The following VAV2 variants were observed in gnomAD, a reference collection of about 807,000 sequenced individuals.
VAV2 encodes guanine nucleotide exchange factor VAV2.
VAV2 carries 67 observed loss-of-function variants against 132.5 expected under a neutral mutation model. The ratio of observed to expected loss-of-function variants is 0.51; its 90% CI spans 0.42 to 0.62. The LOEUF is 0.62. Ranked by LOEUF, VAV2 falls within the 20% of genes least tolerant of loss-of-function variation. The pLI, the probability that VAV2 is intolerant of heterozygous loss-of-function variation, is 0.00. For synonymous variants in VAV2, 492 were observed against 443.5 expected, an observed-to-expected ratio of 1.11 and a Z score of -1.37; for missense variants, 938 against 1,153.6, an observed-to-expected ratio of 0.81 and a Z score of 2.71.
At chr9:133,904,833 G>A (rs2132023948) in intron 2 of VAV2, among the ~76,000 whole-genome samples, 1 of 152,374 alleles carries the variant, frequency 6.6e-6, no homozygotes, top group South Asian at 2.1e-4. Flanking sequence ...CCCTCTCTGG[G>A]CCTCTAGGCA....
rs915161096 is a variant in VAV2 at position 133,919,911 on chromosome 9, C to T, written c.321+19192G>A. ...GTCAGTTCTGCTGGACATACAGCGG[C>T]GGACCCAAGGCTGCTTTCCACGTTG... On this transcript the variant is annotated intron_variant, in intron 2 of 29. Coordinates refer to ENST00000371850, the MANE Select transcript of VAV2 (RefSeq NM_001134398.2). This position sits in a 1 kb window ranked among gnomAD's most constrained non-coding sequence, Gnocchi z 5.8. 6.6e-6 allele frequency among the ~76,000 whole-genome samples: 1 copy of T among 152,286 alleles called. No individual in the cohort carries two copies. The highest frequency in any genetic ancestry group is 1.5e-5 in the Non-Finnish European group (1 of 68,028).
intron 2 of VAV2, among the ~76,000 whole-genome samples, chr9:133,922,059 G>T (rs1315578809): frequency 6.6e-6 from 1 of 152,236 alleles, no homozygotes; most frequent in Non-Finnish European, 1.5e-5. Context: ...GATGGGCCCC[G>T]CCTGCTGGAC....
intron 2 of VAV2, among the ~76,000 whole-genome samples, chr9:133,925,128 G>T (rs1057406378): frequency 6.6e-6 from 1 of 152,184 alleles, no homozygotes; most frequent in Non-Finnish European, 1.5e-5. Context: ...AAGACAGAGG[G>T]GATGGTTGTA....
At chr9:133,906,145 C>A (rs543607526) in intron 2 of VAV2, among the ~76,000 whole-genome samples, 12 of 152,196 alleles carry the variant, frequency 7.9e-5, no homozygotes, top group Non-Finnish European at 1.8e-4. Context: ...TGGCGTGGAT[C>A]CCAAAAGCTA....
At chr9:133,953,056 G>A (rs1443049260) in intron 1 of VAV2, among the ~76,000 whole-genome samples, 2 of 152,018 alleles carry the variant, frequency 1.3e-5, no homozygotes, top group African/African-American at 4.8e-5. Context: ...CTAGAACCTG[G>A]AGGGAGCACG....
chr9:133,952,274 T>G (rs909411991), intron 1 of VAV2, among the ~76,000 whole-genome samples: 1 of 152,086 alleles, frequency 6.6e-6, no homozygotes, highest in Admixed American at 6.5e-5. Context: ...TTTGTGACCT[T>G]ACTTGGAAAA....
chr9:133,835,203 C>T (rs1836420417), intron 3 of VAV2, among the ~76,000 whole-genome samples: 1 of 152,178 alleles, frequency 6.6e-6, no homozygotes, highest in Non-Finnish European at 1.5e-5. Flanking sequence ...TAAACCAGCT[C>T]AAGAACCTGG....
chr9:133,911,929 T>A (rs1564459125), intron 2 of VAV2, among the ~76,000 whole-genome samples: 1 of 152,218 alleles, frequency 6.6e-6, no homozygotes, highest in African/African-American at 2.4e-5. Flanking sequence ...ATTTTCTTTT[T>A]TTTTATTTCC....
intron 1 of VAV2, among the ~76,000 whole-genome samples, chr9:133,983,357 CAGG>C (rs1842757071): frequency 6.6e-6 from 1 of 152,190 alleles, no homozygotes; most frequent in Non-Finnish European, 1.5e-5. Flanking sequence ...AGATTTCCTC[CAGG>C]AGGAGACATC....
intron 1 of VAV2, among the ~76,000 whole-genome samples, chr9:133,947,688 A>C (rs1841411529): frequency 7.2e-6 from 1 of 138,748 alleles, no homozygotes; most frequent in African/African-American, 2.7e-5. Context: ...AACAAGAGCA[A>C]AACTCCGTCT....
intron 2 of VAV2, among the ~76,000 whole-genome samples, chr9:133,903,624 G>A (rs1374963910): frequency 2.6e-5 from 4 of 152,200 alleles, no homozygotes; most frequent in Non-Finnish European, 5.9e-5. Flanking sequence ...CGGGTCCGGT[G>A]GCTCACAGAG....
At chr9:133,806,925 G>A (rs74609271) in intron 8 of VAV2, among the ~76,000 whole-genome samples, 3,873 of 152,298 alleles carry the variant, frequency 0.025, 161 homozygotes, top group African/African-American at 0.088. Context: ...CAGGGCAGGC[G>A]AGGGGGTCCG....
chr9:133,811,982 T>TC, intron 5 of VAV2, 132 bp downstream of exon 5: 1 of 862,010 alleles, frequency 1.2e-6, no homozygotes, highest in Non-Finnish European at 1.8e-6. Context: ...CCTCTGGACG[T>TC]CCCCCTGCAC....
At chr9:133,807,026 G>A (rs62576509) in intron 8 of VAV2, among the ~76,000 whole-genome samples, 129 of 152,354 alleles carry the variant, frequency 8.5e-4, no homozygotes, top group Non-Finnish European at 1.4e-3. Context: ...AGCCACGCAC[G>A]TCAGTGCTGC....
chr9:133,930,290 C>T (rs1840634253), intron 2 of VAV2, among the ~76,000 whole-genome samples: 1 of 149,726 alleles, frequency 6.7e-6, no homozygotes, highest in East Asian at 2.0e-4. Flanking sequence ...TCCACCCTGC[C>T]TCCTGGCCTC....
Position 133,785,880 on chromosome 9 carries a change from G to A in VAV2, c.1428C>T (p.Ser476=), listed in dbSNP as rs1834197137. Residue 476 remains serine, a synonymous_variant, in exon 17 of 30, where the codon TCC becomes TCT. Transcript: ENST00000371850. ...GAAGGTGAATTAGGTAGAAGCCGTA[G>A]GACCACTGCAGGGGGGAGAGGGGCC... ...DVKKSHGKMW[S]YGFYLIHLQG... 1.2e-6 allele frequency: 2 copies of A among 1,613,140 alleles called. No individual in the cohort carries two copies. Among genetic ancestry groups the A allele is most frequent in the Non-Finnish European group, 8.5e-7 (1 of 1,179,622 alleles).
chr9:133,841,541 A>T (rs1481915098), intron 3 of VAV2, among the ~76,000 whole-genome samples: 1 of 152,102 alleles, frequency 6.6e-6, no homozygotes, highest in Non-Finnish European at 1.5e-5. Flanking sequence ...CTCGTCCTGG[A>T]GTGAGTGTCC....
chr9:133,792,575 CTGTG>C (rs1242520309), intron 12 of VAV2, among the ~76,000 whole-genome samples: 4 of 144,812 alleles, frequency 2.8e-5, no homozygotes, highest in East Asian at 2.1e-4. Flanking sequence ...GTGTGTCTGA[CTGTG>C]TGGTTGTGTG....
chr9:133,884,752 C>T lies in VAV2; in HGVS notation c.322-23320G>A, dbSNP rs919601722. ...ATTAGCTTTATTCACTCAAAACACA[C>T]GGATAAGCTTGACGGCTCCGTGAGA... On this transcript the variant is annotated intron_variant, in intron 2 of 29. Transcript: ENST00000371850. This position sits in a 1 kb window ranked among gnomAD's most constrained non-coding sequence, Gnocchi z 5.3. Among the ~76,000 whole-genome samples, 13 of 152,298 alleles carry T rather than the reference C, an allele frequency of 8.5e-5. No homozygotes were observed. Among genetic ancestry groups the T allele is most frequent in the African/African-American group, 2.2e-4 (9 of 41,562 alleles).
Sources: gnomAD v4.1 joint callset for allele counts (sites outside exome capture counted in the v4.1 genomes callset) on GRCh38, gnomAD v4.1.1 for gene constraint, Gnocchi (gnomAD v3.1) non-coding constraint, MANE v1.5 for transcripts, NCBI Gene and HGNC (gene_info 2026-07-23, HGNC 2026-07-21) for gene names.